The following HPSE2 variants were observed in gnomAD, a reference collection of about 807,000 sequenced individuals.
The protein encoded by HPSE2 is heparanase 2 (inactive).
HPSE2 carries 38 observed loss-of-function variants against 60.5 expected under a neutral mutation model. The observed-to-expected ratio is 0.63, with a 90% CI of 0.48 to 0.82. The LOEUF is 0.82. HPSE2 is among the 40% of genes least tolerant of loss of function. The pLI is 0.00. For synonymous variants in HPSE2, 295 were observed against 293.2 expected, an observed-to-expected ratio of 1.01 and a Z score of -0.06; for missense variants, 713 against 740.4, an observed-to-expected ratio of 0.96 and a Z score of 0.43.
At chr10:98,969,410 T>C (rs533427043) in intron 3 of HPSE2, among the ~76,000 whole-genome samples, 1 of 152,192 alleles carries the variant, frequency 6.6e-6, no homozygotes, top group South Asian at 2.1e-4. Flanking sequence ...AATAGTTGCA[T>C]TGGTCTGAGG....
intron 9 of HPSE2, among the ~76,000 whole-genome samples, chr10:98,562,487 C>A (rs558278415): frequency 6.6e-6 from 1 of 151,904 alleles, no homozygotes; most frequent in East Asian, 1.9e-4. Context: ...GAGGCTGAGG[C>A]GGGCGGATCA....
At chr10:98,860,130 G>C (rs760329453) in intron 3 of HPSE2, among the ~76,000 whole-genome samples, 2 of 152,122 alleles carry the variant, frequency 1.3e-5, no homozygotes, top group Non-Finnish European at 2.9e-5. Flanking sequence ...TCATGGATAA[G>C]GGGGGACTAC....
chr10:98,744,000 A>G lies in HPSE2; in HGVS notation c.667T>C (p.Phe223Leu). 1 of 1,614,166 alleles carries G rather than the reference A, an allele frequency of 6.2e-7. No homozygotes were observed. Among genetic ancestry groups the G allele is most frequent in the South Asian group, 1.1e-5 (1 of 91,086 alleles). Residue 223 changes from phenylalanine to leucine, a missense_variant, in exon 4 of 12, where the codon TTT becomes CTT. By Grantham distance (22) the Phe-to-Leu change is conservative. Coordinates refer to ENST00000370552, the MANE Select transcript of HPSE2 (RefSeq NM_021828.5). ...TTACGACGCAGTGCATTTAGAGCAA[A>G]TATCAGGTGGAGTCCAGAGCAATCA... ...FADCSGLHLI[F>L]ALNALRRNPN...
intron 2 of HPSE2, among the ~76,000 whole-genome samples, chr10:99,181,290 C>T (rs11190008): frequency 0.055 from 8,053 of 146,052 alleles, 303 homozygotes; most frequent in Non-Finnish European, 0.084. Context: ...CCCAGCTACT[C>T]GGGAGGCTGA....
chr10:99,206,421 T>C (rs1848747447), intron 2 of HPSE2, among the ~76,000 whole-genome samples: 2 of 151,942 alleles, frequency 1.3e-5, no homozygotes, highest in Non-Finnish European at 2.9e-5. Flanking sequence ...GGCAACATGG[T>C]GAAACCCAAT....
At chr10:99,034,825 T>C (rs548063654) in intron 3 of HPSE2, among the ~76,000 whole-genome samples, 5 of 152,324 alleles carry the variant, frequency 3.3e-5, no homozygotes, top group African/African-American at 9.6e-5. Flanking sequence ...CTGAAAACTA[T>C]AGGCAATTCT....
At chr10:99,124,219 C>T (rs879556457) in intron 3 of HPSE2, among the ~76,000 whole-genome samples, 1 of 152,150 alleles carries the variant, frequency 6.6e-6, no homozygotes, top group Non-Finnish European at 1.5e-5. Flanking sequence ...CTGACTGAGT[C>T]CAGGGTTTTT....
chr10:98,614,435 G>GTGT (rs1945844065), intron 9 of HPSE2, among the ~76,000 whole-genome samples: 1 of 151,866 alleles, frequency 6.6e-6, no homozygotes, highest in African/African-American at 2.4e-5. Flanking sequence ...TGGGACCACA[G>GTGT]GTGCCCGCCA....
chr10:99,118,735 G>T (rs539383226), intron 3 of HPSE2, among the ~76,000 whole-genome samples: 23 of 151,910 alleles, frequency 1.5e-4, no homozygotes, highest in African/African-American at 5.5e-4. Context: ...GGGCATCCCG[G>T]GCCGAGTGTG....
At chr10:98,998,874 T>C (rs570472569) in intron 3 of HPSE2, among the ~76,000 whole-genome samples, 2 of 152,350 alleles carry the variant, frequency 1.3e-5, no homozygotes, top group East Asian at 3.9e-4. Context: ...AGCATACTAA[T>C]GAGACTCCAA....
At chr10:98,677,760 C>G (rs1947682132) in intron 6 of HPSE2, among the ~76,000 whole-genome samples, 2 of 152,164 alleles carry the variant, frequency 1.3e-5, no homozygotes, top group Non-Finnish European at 2.9e-5. Flanking sequence ...CAGATAACCT[C>G]TAAAAATAGT....
chr10:98,493,560 T>C (rs1323875624), intron 9 of HPSE2, among the ~76,000 whole-genome samples: 1 of 152,168 alleles, frequency 6.6e-6, no homozygotes, highest in Non-Finnish European at 1.5e-5. Flanking sequence ...TTGTCTCTTA[T>C]AATCTTTTAA....
At chr10:98,737,059 T>C (rs1367808229) in intron 4 of HPSE2, among the ~76,000 whole-genome samples, 1 of 152,154 alleles carries the variant, frequency 6.6e-6, no homozygotes, top group Non-Finnish European at 1.5e-5. Flanking sequence ...TATGGTTTCT[T>C]GTTTTTTTCT....
the HPSE2 span, among the ~76,000 whole-genome samples, chr10:99,243,475 AT>A: frequency 1.3e-5 from 2 of 152,166 alleles, no homozygotes; most frequent in Non-Finnish European, 2.9e-5. Context: ...AGAACTTTTA[AT>A]ATCCTAGGGG....
chr10:99,308,178 A>T, the HPSE2 span, among the ~76,000 whole-genome samples: 2 of 151,880 alleles, frequency 1.3e-5, no homozygotes, highest in Non-Finnish European at 2.9e-5. Flanking sequence ...CCCTGAGATC[A>T]GGAGTTCAAG....
chr10:99,096,695 T>G (rs1843728477), intron 3 of HPSE2, among the ~76,000 whole-genome samples: 1 of 106,242 alleles, frequency 9.4e-6, no homozygotes, highest in Admixed American at 9.3e-5. Context: ...TAAATTGTTG[T>G]GTTTTTTTTT....
intron 9 of HPSE2, among the ~76,000 whole-genome samples, chr10:98,574,963 G>C (rs1231267913): frequency 1.3e-5 from 2 of 152,120 alleles, no homozygotes; most frequent in African/African-American, 4.8e-5. Flanking sequence ...TGAAACAAAA[G>C]GGGGAAAGGG....
chr10:99,261,399 A>G, the HPSE2 span, among the ~76,000 whole-genome samples: 3 of 152,098 alleles, frequency 2.0e-5, no homozygotes, highest in Admixed American at 6.6e-5. Context: ...CAACCTACCC[A>G]ACAATTGCCT....
intron 7 of HPSE2, among the ~76,000 whole-genome samples, chr10:98,639,184 T>A (rs915241678): frequency 6.6e-6 from 1 of 152,178 alleles, no homozygotes; most frequent in Non-Finnish European, 1.5e-5. Context: ...CTTCTGATGG[T>A]CCCAGATACT....
Sources: gnomAD v4.1 joint callset for allele counts (sites outside exome capture counted in the v4.1 genomes callset) on GRCh38, gnomAD v4.1.1 for gene constraint, MANE v1.5 for transcripts, NCBI Gene and HGNC (gene_info 2026-07-23, HGNC 2026-07-21) for gene names.